AIM2: variants seen among roughly 807,000 people sequenced by gnomAD.
AIM2 encodes interferon-inducible protein AIM2.
In AIM2, 30 loss-of-function variants were observed where a neutral mutation model predicts 27.7. The observed-to-expected ratio is 1.08, with a 90% CI of 0.81 to 1.47. AIM2 has a LOEUF of 1.47. Among genes scored for constraint, AIM2 ranks in the 40% most tolerant of loss-of-function variants. AIM2 has a pLI of 0.00. For synonymous variants in AIM2, 141 were observed against 145.3 expected (o/e 0.97, Z 0.21); for missense variants, 358 against 411.3 (o/e 0.87, Z 1.12).
chr1:159,063,109 TG>T (rs1404019361), intron 5 of AIM2, among the ~76,000 whole-genome samples: 1 of 152,168 alleles, frequency 6.6e-6, no homozygotes, highest in African/African-American at 2.4e-5. Context: ...GGTGCAGACG[TG>T]GTGGGACTGG....
At chr1:159,089,908 A>C (rs1657007989) in intron 1 of AIM2, among the ~76,000 whole-genome samples, 2 of 152,106 alleles carry the variant, frequency 1.3e-5, no homozygotes, top group Non-Finnish European at 2.9e-5. Flanking sequence ...CAAAGTGCCT[A>C]TTTTCCCAGC....
upstream of AIM2, among the ~76,000 whole-genome samples, chr1:159,142,344 G>GA (rs1430768329): frequency 1.3e-5 from 2 of 152,232 alleles, no homozygotes; most frequent in Admixed American, 1.3e-4. Flanking sequence ...TGGGAGTGAA[G>GA]AAAAAACAGT....
At chr1:159,108,327 T>C (rs1449654527) in intron 1 of AIM2, among the ~76,000 whole-genome samples, 2 of 152,176 alleles carry the variant, frequency 1.3e-5, no homozygotes, top group Admixed American at 6.5e-5. Flanking sequence ...CGAAAAAGCA[T>C]TCAACAAAAT....
chr1:159,106,613 A>G (rs1657453925), intron 1 of AIM2, among the ~76,000 whole-genome samples: 1 of 152,246 alleles, frequency 6.6e-6, no homozygotes, highest in Non-Finnish European at 1.5e-5. Context: ...GCTGCACACT[A>G]GGACACCACT....
the AIM2 span, among the ~76,000 whole-genome samples, chr1:159,055,802 T>C: frequency 1.3e-5 from 2 of 152,238 alleles, no homozygotes; most frequent in Non-Finnish European, 2.9e-5. Flanking sequence ...TTGGCAATTA[T>C]TTTGTGACAC....
chr1:159,075,417 G>T (rs1656559561), intron 1 of AIM2, among the ~76,000 whole-genome samples: 1 of 151,686 alleles, frequency 6.6e-6, no homozygotes, highest in Non-Finnish European at 1.5e-5. Flanking sequence ...AAAAAAATTT[G>T]TCAAATGTGA....
At chr1:159,122,390 A>G (rs1440801607) in intron 1 of AIM2, 1 of 152,182 alleles carries the variant, frequency 6.6e-6, no homozygotes, top group Non-Finnish European at 1.5e-5. Context: ...GACAAGAAAA[A>G]GCAGAGAAAG....
chr1:159,061,369 G>A (rs1655827245), downstream of AIM2, among the ~76,000 whole-genome samples: 2 of 151,848 alleles, frequency 1.3e-5, no homozygotes, highest in Non-Finnish European at 2.9e-5. Context: ...TGAATTTTGA[G>A]TGTTCTTTAT....
downstream of AIM2, among the ~76,000 whole-genome samples, chr1:159,060,651 G>A (rs901490413): frequency 2.6e-5 from 4 of 152,200 alleles, no homozygotes; most frequent in Non-Finnish European, 5.9e-5. Context: ...AAATTAAAAT[G>A]TATGTAGAAT....
At chr1:159,074,796 A>G (rs970998167) in intron 1 of AIM2, among the ~76,000 whole-genome samples, 1 of 152,182 alleles carries the variant, frequency 6.6e-6, no homozygotes, top group African/African-American at 2.4e-5. Flanking sequence ...AGGGAAACTT[A>G]TAAAACTTTA....
intron 1 of AIM2, among the ~76,000 whole-genome samples, chr1:159,099,882 T>C (rs1657275018): frequency 6.6e-6 from 1 of 152,206 alleles, no homozygotes; most frequent in Non-Finnish European, 1.5e-5. Context: ...CATTTGCACA[T>C]TGGCTTTAAT....
At chr1:159,135,170 T>C (rs747289898) in intron 1 of AIM2, among the ~76,000 whole-genome samples, 3 of 152,232 alleles carry the variant, frequency 2.0e-5, no homozygotes, top group Non-Finnish European at 2.9e-5. Flanking sequence ...ACTATAAGCA[T>C]TTGTTGAGTG....
chr1:159,129,673 A>G (rs575977840), intron 1 of AIM2, among the ~76,000 whole-genome samples: 1 of 152,298 alleles, frequency 6.6e-6, no homozygotes, highest in Non-Finnish European at 1.5e-5. Context: ...ATGCCCTCAG[A>G]ACAGTTACTG....
At chr1:159,082,246 G>T (rs769740926) in intron 1 of AIM2, among the ~76,000 whole-genome samples, 3 of 152,150 alleles carry the variant, frequency 2.0e-5, no homozygotes, top group Non-Finnish European at 4.4e-5. Context: ...ATACCTAGCT[G>T]ATAATTATAA....
At chr1:159,122,558 C>T (rs559863172) in intron 1 of AIM2, among the ~76,000 whole-genome samples, 18 of 152,254 alleles carry the variant, frequency 1.2e-4, no homozygotes, top group Admixed American at 9.2e-4. Flanking sequence ...GTCCAGACCA[C>T]GATTGCTCTA....
At chr1:159,141,596 C>T (rs556118493), upstream of AIM2, among the ~76,000 whole-genome samples, 3 of 152,144 alleles carry the variant, frequency 2.0e-5, no homozygotes, top group Admixed American at 1.3e-4. Flanking sequence ...ATAAAAGAGG[C>T]ACCTGCCAGG....
chr1:159,120,284 G>A (rs950938), intron 1 of AIM2, among the ~76,000 whole-genome samples: 1 of 152,080 alleles, frequency 6.6e-6, no homozygotes, highest in Non-Finnish European at 1.5e-5. Flanking sequence ...TATAGTAAAA[G>A]GTCCTGTGTG....
intron 5 of AIM2, 103 bp from the exon 6 acceptor site, chr1:159,062,821 C>T (rs1655891351): frequency 2.7e-6 from 3 of 1,115,744 alleles, no homozygotes; most frequent in Non-Finnish European, 2.7e-6. Flanking sequence ...ATCATCTTCT[C>T]ATAAAATTAT....
upstream of AIM2, among the ~76,000 whole-genome samples, chr1:159,077,319 G>A (rs569114224): frequency 1.2e-4 from 19 of 152,300 alleles, no homozygotes; most frequent in East Asian, 3.9e-4. Flanking sequence ...GGAAATGGGC[G>A]GGCAATTCCC....
Sources: allele counts gnomAD v4.1 joint callset (sites outside exome capture counted in the v4.1 genomes callset), GRCh38; gene constraint gnomAD v4.1.1; transcripts MANE v1.5; gene names NCBI Gene and HGNC (gene_info 2026-07-23, HGNC 2026-07-21).